Variants in CTDP1 observed in about 807,000 individuals in gnomAD.
The protein encoded by CTDP1 is CTD phosphatase 1, also known as RNA polymerase II subunit A C-terminal domain phosphatase.
A neutral mutation model predicts 91.8 loss-of-function variants in CTDP1; 47 were observed. The ratio of observed to expected loss-of-function variants is 0.51; its 90% confidence interval spans 0.41 to 0.65. The LOEUF (loss-of-function observed/expected upper bound fraction) is 0.65. CTDP1 is among the 30% of genes least tolerant of loss of function. The pLI is 0.00. For missense variants in CTDP1, 1,272 were observed against 1,373.7 expected (o/e 0.93, Z 1.17); for synonymous variants, 656 against 598.5 (o/e 1.10, Z -1.40).
intron 1 of CTDP1, among the ~76,000 whole-genome samples, chr18:79,693,887 C>A (rs372178634): frequency 1.4e-5 from 2 of 148,024 alleles, no homozygotes; most frequent in African/African-American, 5.3e-5. Flanking sequence ...ACAGACCCGC[C>A]CCTCCGCTCC....
intron 5 of CTDP1, among the ~76,000 whole-genome samples, chr18:79,708,077 G>A (rs576140406): frequency 6.6e-6 from 1 of 152,270 alleles, no homozygotes; most frequent in African/African-American, 2.4e-5. Flanking sequence ...AGTATCTTTT[G>A]GTTAATGAAA....
intron 1 of CTDP1, among the ~76,000 whole-genome samples, chr18:79,685,046 T>C (rs10432148): frequency 0.036 from 2,138 of 59,158 alleles, 241 homozygotes; most frequent in South Asian, 0.1. Context: ...CCAGTTTCTC[T>C]GCGGTGCTCC....
intron 1 of CTDP1, among the ~76,000 whole-genome samples, chr18:79,684,775 C>T (rs900952750): frequency 3.9e-5 from 6 of 152,222 alleles, no homozygotes; most frequent in Admixed American, 2.6e-4. Flanking sequence ...ACTAGATTGT[C>T]GTTTTGATCT....
chr18:79,690,559 G>A (rs1420768598), intron 1 of CTDP1, among the ~76,000 whole-genome samples: 4 of 152,220 alleles, frequency 2.6e-5, no homozygotes, highest in Non-Finnish European at 4.4e-5. Flanking sequence ...GAATGAGAGC[G>A]TTCAGGGCTT....
intron 1 of CTDP1, among the ~76,000 whole-genome samples, chr18:79,691,067 CGTCT>C (rs2085610550): frequency 6.6e-6 from 1 of 152,192 alleles, no homozygotes; most frequent in African/African-American, 2.4e-5. Flanking sequence ...GCTTCCTACT[CGTCT>C]GTCAAGACCC....
intron 11 of CTDP1, among the ~76,000 whole-genome samples, chr18:79,732,865 T>G (rs543346670): frequency 6.8e-6 from 1 of 147,198 alleles, no homozygotes; most frequent in African/African-American, 2.5e-5. Flanking sequence ...CCCAAAATCA[T>G]GTGAGACGTA....
chr18:79,693,890 T>A (rs1349076128), intron 1 of CTDP1, among the ~76,000 whole-genome samples: 2 of 132,798 alleles, frequency 1.5e-5, no homozygotes, highest in Non-Finnish European at 3.1e-5. Context: ...GACCCGCCCC[T>A]CCGCTCCCCT....
At chr18:79,703,404 T>C (rs1441004948) in intron 4 of CTDP1, among the ~76,000 whole-genome samples, 1 of 152,212 alleles carries the variant, frequency 6.6e-6, no homozygotes, top group Non-Finnish European at 1.5e-5. Context: ...TTTAGCTTCC[T>C]AAGGAAAGCA....
Position 79,680,126 on chromosome 18 carries a change from C to A in CTDP1, c.179C>A (p.Ser60Tyr), listed in dbSNP as rs1239905457. The A allele has an allele frequency of 2.1e-6, 3 of 1,429,706 alleles. No individual in the cohort carries two copies. The highest frequency in any genetic ancestry group is 2.7e-6 in the Non-Finnish European group (3 of 1,093,282). The allele number at this position is 1,429,706 out of a possible 1,614,324, so 88.6% of individuals were successfully genotyped here. The change falls in exon 1 of 13, where the codon TCC (serine) becomes TAC (tyrosine). Residue 60 changes from serine to tyrosine, a missense_variant. Ser to Tyr is a moderately radical substitution (Grantham distance 144). Coordinates refer to ENST00000613122, the MANE Select transcript of CTDP1 (RefSeq NM_004715.5). ...TTCGAGGCCGCCGCCTCCGCGCAGT[C>A]CTCCGGGGCCTCTCAGTCCCGTGTA... ...AVFEAAASAQSSGASQSRVAS... is the reference protein window; with the variant it reads ...AVFEAAASAQYSGASQSRVAS...
At chr18:79,679,367 C>T (rs765467702), upstream of CTDP1, 5 of 453,382 alleles carry the variant, frequency 1.1e-5, no homozygotes, top group South Asian at 3.1e-5. Flanking sequence ...ATGCCGGGAC[C>T]CGTAGTCCCG....
chr18:79,749,281 G>A (rs762061846), intron 12 of CTDP1, among the ~76,000 whole-genome samples: 1 of 151,846 alleles, frequency 6.6e-6, no homozygotes, highest in African/African-American at 2.4e-5. Context: ...CCAGGGTCCC[G>A]CCTGGCTCTC....
At chr18:79,682,044 A>G (rs1406227355) in intron 1 of CTDP1, among the ~76,000 whole-genome samples, 1 of 152,174 alleles carries the variant, frequency 6.6e-6, no homozygotes, top group Non-Finnish European at 1.5e-5. Flanking sequence ...CTTTAGTCTA[A>G]AGCCCTGTGT....
chr18:79,734,303 A>G (rs996224695), intron 11 of CTDP1, among the ~76,000 whole-genome samples: 3 of 152,250 alleles, frequency 2.0e-5, no homozygotes, highest in Admixed American at 6.5e-5. Flanking sequence ...ACTGTTTTTC[A>G]GAAAGCGCAG....
chr18:79,745,153 A>G (rs1474726424), intron 12 of CTDP1, among the ~76,000 whole-genome samples: 2 of 152,200 alleles, frequency 1.3e-5, no homozygotes, highest in Non-Finnish European at 2.9e-5. Flanking sequence ...GGCTTTTCCA[A>G]AGCAGTTGTA....
chr18:79,737,148 C>T (rs1292940288), intron 12 of CTDP1, among the ~76,000 whole-genome samples: 8 of 152,340 alleles, frequency 5.3e-5, no homozygotes, highest in East Asian at 1.9e-4. Flanking sequence ...GGCCTGTTTT[C>T]GGGCGTTTGG....
chr18:79,681,581 A>G, intron 1 of CTDP1: 1 of 755,634 alleles, frequency 1.3e-6, no homozygotes, highest in Non-Finnish European at 1.6e-6. Flanking sequence ...TCTAGTGAAT[A>G]AAACCAACCC....
chr18:79,732,749 A>T (rs982054132), intron 11 of CTDP1, among the ~76,000 whole-genome samples: 13 of 150,202 alleles, frequency 8.7e-5, no homozygotes, highest in African/African-American at 3.0e-4. Flanking sequence ...ATAAGAACTC[A>T]CTGTCACCAG....
At chr18:79,727,114 G>A (rs2086464724) in intron 10 of CTDP1, among the ~76,000 whole-genome samples, 2 of 152,186 alleles carry the variant, frequency 1.3e-5, no homozygotes, top group African/African-American at 4.8e-5. Flanking sequence ...TGCCGGTGGG[G>A]TTGGATGTCA....
At chr18:79,717,758 C>G in intron 9 of CTDP1, 52 bp from the exon 10 acceptor site, 1 of 1,613,722 alleles carries the variant, frequency 6.2e-7, no homozygotes, top group Non-Finnish European at 8.5e-7. Flanking sequence ...TGGGCAGTGC[C>G]CCTCATCACC....
Sources: gnomAD v4.1 joint callset for allele counts (sites outside exome capture counted in the v4.1 genomes callset) on GRCh38, gnomAD v4.1.1 for gene constraint, MANE v1.5 for transcripts, NCBI Gene and HGNC (gene_info 2026-07-23, HGNC 2026-07-21) for gene names.